Variants in KIAA1671 observed in about 807,000 individuals in gnomAD.
The protein encoded by KIAA1671 is uncharacterized protein KIAA1671.
KIAA1671 carries 52 observed loss-of-function variants against 131.2 expected under a neutral mutation model. That is an observed-to-expected ratio of 0.40 (90% CI 0.32 to 0.50). The LOEUF is 0.50. KIAA1671 is among the 20% of genes least tolerant of loss of function. The pLI, the probability that KIAA1671 is intolerant of heterozygous loss-of-function variation, is 0.73. For missense variants in KIAA1671, 2,360 were observed against 2,364.2 expected, an observed-to-expected ratio of 1.00 and a Z score of 0.04; for synonymous variants, 1,003 against 961.6, an observed-to-expected ratio of 1.04 and a Z score of -0.80.
rs1423835580 is a variant in KIAA1671 at position 25,029,550 on chromosome 22, C to T, written c.1541+10C>T. 4.6e-6 allele frequency: 7 copies of T among 1,512,792 alleles called. No individual in the cohort carries two copies. Among genetic ancestry groups the T allele is most frequent in the Non-Finnish European group, 6.2e-6 (7 of 1,126,596 alleles). 93.7% of individuals were successfully genotyped at this position (1,512,792 alleles called of 1,614,324 possible). On this transcript the variant is annotated intron_variant, in intron 3 of 12. Coordinates refer to ENST00000358431, the MANE Select transcript of KIAA1671 (RefSeq NM_001145206.2). ...CGGATTTGACCAAATTGTAAGTAGG[C>T]ACATCCCACACCCCTCTCTCAGCCG...
chr22:25,070,426 G>A (rs1443709066), intron 6 of KIAA1671: 3 of 478,754 alleles, frequency 6.3e-6, no homozygotes, highest in Non-Finnish European at 1.2e-5. Context: ...GGTGAGTGGC[G>A]GGGGGCAGTG....
chr22:25,178,798 A>T (rs77752105), intron 9 of KIAA1671, among the ~76,000 whole-genome samples: 7,751 of 151,500 alleles, frequency 0.051, 270 homozygotes, highest in East Asian at 0.08. Flanking sequence ...CTGCCAGTTC[A>T]ACAAGCTCCG....
intron 1 of KIAA1671, among the ~76,000 whole-genome samples, chr22:24,960,813 A>G (rs905730331): frequency 4.0e-5 from 6 of 151,828 alleles, no homozygotes; most frequent in African/African-American, 4.8e-5. Flanking sequence ...GACCTGCCCA[A>G]TTTCCCAGCA....
intron 6 of KIAA1671, among the ~76,000 whole-genome samples, chr22:25,141,075 G>A (rs1932800320): frequency 6.6e-6 from 1 of 152,094 alleles, no homozygotes; most frequent in East Asian, 1.9e-4. Context: ...TCAGCCTACT[G>A]GGAGAACCAG....
Position 25,174,348 on chromosome 22 carries a change from C to G in KIAA1671, c.4758C>G (p.Asp1586Glu). ...SSQTEPTSAG[D>E]QYDCSRDQRS... is the part of the protein sequence containing the mutation. ...AAACGGAGCCCACCTCGGCAGGGGA[C>G]CAGTATGACTGCTCCAGGGACCAGC... Residue 1586 changes from aspartate (D) to glutamate (E), a missense_variant, in exon 8 of 13, where the codon GAC (aspartate) becomes GAG (glutamate). Coordinates refer to ENST00000358431, the MANE Select transcript of KIAA1671 (RefSeq NM_001145206.2). 4 of 1,552,024 alleles carry G rather than the reference C, an allele frequency of 2.6e-6. No homozygotes were observed. The highest frequency in any genetic ancestry group is 3.5e-6 in the Non-Finnish European group (4 of 1,147,090).
intron 6 of KIAA1671, among the ~76,000 whole-genome samples, chr22:25,065,758 G>C (rs1312904498): frequency 1.3e-5 from 2 of 151,814 alleles, no homozygotes; most frequent in Admixed American, 6.6e-5. Flanking sequence ...TCCTGCCTCA[G>C]CCTCCCGAGT....
At position 25,179,231 on chromosome 22, in the gene KIAA1671, T is replaced by C. The variant is rs1013607832; in HGVS notation, c.5074+1709T>C. 4.2e-6 allele frequency: 6 copies of C among 1,442,176 alleles called. No homozygotes were observed. In the African/African-American group the frequency reaches 8.5e-5, roughly 20 times the overall value. The allele number at this position is 1,442,176 out of a possible 1,614,324, so 89.3% of individuals were successfully genotyped here. A position where few individuals can be genotyped will look rare whatever the true frequency, so the allele number is the denominator to read the frequency against. On this transcript the variant is annotated intron_variant, in intron 9 of 12. Coordinates refer to ENST00000358431, the MANE Select transcript of KIAA1671 (RefSeq NM_001145206.2). ...TGGGGGAGGAGGAACAAAAGTTGCA[T>C]CTAGACAGAGGTGAACGAAACAAAA...
At chr22:24,985,015 G>A (rs996513947) in intron 1 of KIAA1671, among the ~76,000 whole-genome samples, 1 of 151,506 alleles carries the variant, frequency 6.6e-6, no homozygotes, top group South Asian at 2.1e-4. Context: ...CCTAGGCCCC[G>A]GGCCCAGATG....
chr22:25,177,987 G>T (rs1934100419), intron 9 of KIAA1671, among the ~76,000 whole-genome samples: 1 of 152,124 alleles, frequency 6.6e-6, no homozygotes, highest in Admixed American at 6.5e-5. Context: ...TCTGGAAGAC[G>T]CTGGCAGTGC....
chr22:25,143,522 C>T (rs1480870296), intron 6 of KIAA1671, among the ~76,000 whole-genome samples: 1 of 152,108 alleles, frequency 6.6e-6, no homozygotes, highest in African/African-American at 2.4e-5. Context: ...TTCTCTCCTC[C>T]CTTCCTTCCT....
intron 6 of KIAA1671, chr22:25,055,144 T>G (rs1249995156): frequency 1.3e-5 from 2 of 149,448 alleles, no homozygotes; most frequent in African/African-American, 2.4e-5. Flanking sequence ...GTTGAGAGGT[T>G]TGAGAGCATT....
At chr22:24,957,471 G>C (rs936127318) in intron 1 of KIAA1671, among the ~76,000 whole-genome samples, 2 of 152,164 alleles carry the variant, frequency 1.3e-5, no homozygotes, top group African/African-American at 4.8e-5. Flanking sequence ...GAGGGCAGGA[G>C]CATCCCTGTC....
intron 6 of KIAA1671, among the ~76,000 whole-genome samples, chr22:25,134,638 C>G (rs1306029273): frequency 6.6e-6 from 1 of 152,170 alleles, no homozygotes; most frequent in African/African-American, 2.4e-5. Flanking sequence ...AAGCTCAGAT[C>G]ACCTTGCAGC....
At chr22:25,095,333 A>G (rs1198997741) in intron 6 of KIAA1671, among the ~76,000 whole-genome samples, 1 of 152,208 alleles carries the variant, frequency 6.6e-6, no homozygotes, top group African/African-American at 2.4e-5. Context: ...AACAATAAAA[A>G]TTACAAATGC....
At chr22:25,129,872 A>G (rs1196760623) in intron 6 of KIAA1671, among the ~76,000 whole-genome samples, 1 of 152,174 alleles carries the variant, frequency 6.6e-6, no homozygotes, top group African/African-American at 2.4e-5. Context: ...TGTTATGGAC[A>G]TGTTGTGAAG....
At position 25,029,434 on chromosome 22, in the gene KIAA1671, G is replaced by A. The variant is rs879096291; in HGVS notation, c.1435G>A (p.Val479Ile). The A allele has an allele frequency of 1.8e-5, 28 of 1,551,352 alleles. No individual in the cohort carries two copies. The highest frequency in any genetic ancestry group is 3.3e-4 in the Middle Eastern group (2 of 6,014). ...AGAGCCGGAGAAAGGGGTTGTGAGC[G>A]TTCAGGAACGGATCAGAGGCTGGAC... ...APEPEKGVVS[V>I]QERIRGWTAE... The change falls in exon 3 of 13, where the codon GTT (valine) becomes ATT (isoleucine). Residue 479 changes from valine (V) to isoleucine (I), a missense_variant. Physicochemically the swap from Val to Ile is conservative, Grantham distance 29 (BLOSUM62 3). Transcript: ENST00000358431.
In KIAA1671 at chr22:25,194,370, C is replaced by G. The variant is rs1934760075; in HGVS notation, c.*1969C>G. The G allele has an allele frequency of 6.6e-6, 1 of 152,246 alleles. No individual in the cohort carries two copies. Among genetic ancestry groups the G allele is most frequent in the Non-Finnish European group, 1.5e-5 (1 of 68,100 alleles). The allele number at this position is 152,246 out of a possible 1,614,324, so 9.4% of individuals were successfully genotyped here. A position where few individuals can be genotyped will look rare whatever the true frequency, so the allele number is the denominator to read the frequency against. On this transcript the variant is annotated 3_prime_UTR_variant, in exon 13 of 13. Transcript: ENST00000358431. The stretch of plus-strand genomic sequence containing the variant: ...GGATTACAGACATGAGCCACTGCAC[C>G]TGGCCTGAAACACATTCCTAGTCTT...
chr22:25,181,897 G>A (rs764252529), intron 10 of KIAA1671, 74 bp downstream of exon 10: 103 of 1,495,552 alleles, frequency 6.9e-5, no homozygotes, highest in Middle Eastern at 2.2e-4. Context: ...ATAGATTCCG[G>A]CTGGGTGCAG....
intron 6 of KIAA1671, among the ~76,000 whole-genome samples, chr22:25,148,055 C>CT (rs80261518): frequency 5.9e-5 from 8 of 135,416 alleles, no homozygotes; most frequent in African/African-American, 8.3e-5. Context: ...TCTCTTCTCT[C>CT]TTTTTTTTTC....
Sources: allele counts gnomAD v4.1 joint callset (sites outside exome capture counted in the v4.1 genomes callset), GRCh38; gene constraint gnomAD v4.1.1; transcripts MANE v1.5; gene names NCBI Gene and HGNC (gene_info 2026-07-23, HGNC 2026-07-21).